SMG1: variants seen among roughly 807,000 people sequenced by gnomAD.
SMG1 encodes the protein SMG1 nonsense mediated mRNA decay associated PI3K related kinase.
In SMG1, 22 loss-of-function variants were observed where a neutral mutation model predicts 419.9. That is an observed-to-expected ratio of 0.05 (90% CI 0.04 to 0.07). SMG1 has a LOEUF of 0.07. Ranked by LOEUF, SMG1 falls within the 10% of genes least tolerant of loss-of-function variation. The probability of loss-of-function intolerance (pLI) is 1.00; values close to 1 mark genes in which losing one functional copy is unlikely to be tolerated. For synonymous variants in SMG1, 1,538 were observed against 1,553.5 expected (o/e 0.99, Z 0.23); for missense variants, 3,185 against 4,342.0 (o/e 0.73, Z 7.49).
intron 1 of SMG1, among the ~76,000 whole-genome samples, chr16:18,915,029 C>A (rs149765377): frequency 2.0e-5 from 3 of 147,292 alleles, no homozygotes; most frequent in African/African-American, 4.9e-5. Flanking sequence ...CTCACTGCAA[C>A]GGCATCATCT....
intron 1 of SMG1, among the ~76,000 whole-genome samples, chr16:18,901,596 A>G (rs1165910385): frequency 6.6e-6 from 1 of 152,200 alleles, no homozygotes; most frequent in Non-Finnish European, 1.5e-5. Flanking sequence ...AATTGTAAAG[A>G]ATTGTATCTT....
At chr16:18,841,826 G>T in intron 40 of SMG1, 32 bp from the exon 41 acceptor site, 1 of 1,582,964 alleles carries the variant, frequency 6.3e-7, no homozygotes, top group East Asian at 2.2e-5. Context: ...AGCTAGGATA[G>T]GTGATTAAAC....
chr16:18,812,258 G>T, intron 60 of SMG1, 131 bp from the exon 61 acceptor site: 3 of 828,758 alleles, frequency 3.6e-6, no homozygotes, highest in Non-Finnish European at 3.6e-6. Flanking sequence ...CCTTATCCTT[G>T]GACACAGCAA....
In SMG1 at chr16:18,829,731, T is replaced by C; in HGVS notation, c.9158A>G (p.Asn3053Ser). Residue 3053 changes from asparagine to serine, a missense_variant, in exon 54 of 63, where the codon AAT becomes AGT. Around this residue, in one of 27 missense-constraint regions of SMG1, gnomAD observed 737 missense variants for 846.6 expected, o/e 0.87. Transcript: ENST00000446231. ...LSGSSSLEDQNTVNGPVQIVN... is the reference protein window; with the variant it reads ...LSGSSSLEDQSTVNGPVQIVN... Reference sequence around the variant, plus strand: ...AATCTGTACAGGCCCATTCACAGTATTCTGATCTTCAAGTGAACTTGATCC... The same window carrying C: ...AATCTGTACAGGCCCATTCACAGTACTCTGATCTTCAAGTGAACTTGATCC... 1 of 1,600,244 alleles carries C rather than the reference T, an allele frequency of 6.2e-7. No homozygotes were observed. Among genetic ancestry groups the C allele is most frequent in the South Asian group, 1.1e-5 (1 of 89,610 alleles).
intron 23 of SMG1, chr16:18,866,310 G>C (rs1247691330): frequency 2.0e-5 from 8 of 399,356 alleles, no homozygotes; most frequent in Non-Finnish European, 3.3e-5. Flanking sequence ...TGACAATAAA[G>C]GGTAATTTGT....
rs2031038445 is a variant in SMG1, at chr16:18,808,298, A to G, written c.*1271T>C. ...CACAGACTAATAACTGAACTTAATA[A>G]AAGATGTTGGTGGATCTCATTTTCA... On this transcript the variant is annotated 3_prime_UTR_variant, in exon 63 of 63. Coordinates refer to ENST00000446231, the MANE Select transcript of SMG1 (RefSeq NM_015092.5). 6.6e-6 allele frequency: 1 copy of G among 152,236 alleles called. No homozygotes were observed. Among genetic ancestry groups the G allele is most frequent in the Non-Finnish European group, 1.5e-5 (1 of 68,046 alleles). The allele number at this position is 152,236 out of a possible 1,614,324, so 9.4% of individuals were successfully genotyped here.
In SMG1 at chr16:18,815,498, C is replaced by T. The variant is rs759196617; in HGVS notation, c.10456G>A (p.Val3486Ile). The change falls in exon 59 of 63, where the codon GTT becomes ATT. Residue 3486 changes from valine (V) to isoleucine (I), a missense_variant. Coordinates refer to ENST00000446231, the MANE Select transcript of SMG1 (RefSeq NM_015092.5). ...AMGQVRSQEH[V>I]EMLQEITPTL... ...GGAGTGATTTCCTGGAGCATTTCAA[C>T]GTGTTCTTGACTTCGAACCTGACCC... is the stretch of plus-strand genomic sequence containing the variant. The T allele has an allele frequency of 1.1e-5, 18 of 1,613,806 alleles. No individual in the cohort carries two copies. The highest frequency in any genetic ancestry group is 1.6e-4 in the Middle Eastern group (1 of 6,084).
chr16:18,895,315 C>A (rs1370780560), intron 3 of SMG1, among the ~76,000 whole-genome samples: 2 of 151,884 alleles, frequency 1.3e-5, no homozygotes, highest in Non-Finnish European at 2.9e-5. Context: ...CCTGTCTCCA[C>A]TAAAAATGCA....
Position 18,849,250 on chromosome 16 carries a change from T to C in SMG1, c.5590A>G (p.Thr1864Ala). The C allele has an allele frequency of 6.2e-7, 1 of 1,613,502 alleles. No individual in the cohort carries two copies. Among genetic ancestry groups the C allele is most frequent in the Non-Finnish European group, 8.5e-7 (1 of 1,179,556 alleles). ...TGGGATTCACTACTAAGCGATATGG[T>C]ACCCACTATTGCAGGATACAATATG... is the stretch of plus-strand genomic sequence containing the variant. ...HLILYPAIVG[T>A]ISLSSESQAS... is the part of the protein sequence containing the mutation. Residue 1864 changes from threonine to alanine, a missense_variant, in exon 36 of 63, where the codon ACC (threonine) becomes GCC (alanine). Physicochemically the swap from Thr to Ala is moderately conservative, Grantham distance 58. Coordinates refer to ENST00000446231, the MANE Select transcript of SMG1 (RefSeq NM_015092.5).
chr16:18,922,689 A>G (rs563272659), intron 1 of SMG1, among the ~76,000 whole-genome samples: 15 of 152,234 alleles, frequency 9.9e-5, no homozygotes, highest in African/African-American at 2.9e-4. Flanking sequence ...TCAGTTGGCC[A>G]GGCTGGTCTC....
chr16:18,907,776 C>T (rs768635126), intron 1 of SMG1, among the ~76,000 whole-genome samples: 3 of 135,622 alleles, frequency 2.2e-5, no homozygotes, highest in Non-Finnish European at 3.1e-5. Flanking sequence ...CATTTGAACC[C>T]GGGAGGCAGA....
chr16:18,816,462 T>TG lies in SMG1; in HGVS notation c.10141dup (p.Gln3381ProfsTer22). The TG allele has an allele frequency of 6.2e-7, 1 of 1,613,988 alleles. No individual in the cohort carries two copies. Among genetic ancestry groups the TG allele is most frequent in the Non-Finnish European group, 8.5e-7 (1 of 1,179,874 alleles). ...AATTGCCCTCTGAGTAGACATATCC[T>TG]GGGTCAACTGTTTGTGTGCTGACAA... is the stretch of plus-strand genomic sequence containing the variant. On this transcript the variant is annotated frameshift_variant, in exon 58 of 63. Coordinates refer to ENST00000446231, the MANE Select transcript of SMG1 (RefSeq NM_015092.5). LOFTEE classifies it high-confidence loss of function.
rs2035682711 is a variant in SMG1, at chr16:18,869,239, T to C, written c.2698A>G (p.Thr900Ala). 6.2e-7 allele frequency: 1 copy of C among 1,611,706 alleles called. No individual in the cohort carries two copies. Residue 900 changes from threonine (T) to alanine (A), a missense_variant, in exon 20 of 63, where the codon ACA (threonine) becomes GCA (alanine). Physicochemically the swap from Thr to Ala is moderately conservative, Grantham distance 58. This residue lies in a region of SMG1 where 48 missense variants were observed against 48.8 expected (regional missense o/e 0.98). Coordinates refer to ENST00000446231, the MANE Select transcript of SMG1 (RefSeq NM_015092.5). ...GTCTTCAGGAGATTGCGTGGAATTG[T>C]TGACTGGTCACGCTTATCCAGTCTC... Reference protein sequence around the residue: ...CQRLDKRDQSTIPRNLLKTDA... With the variant: ...CQRLDKRDQSAIPRNLLKTDA...
chr16:18,884,312 A>G lies in SMG1; in HGVS notation c.1022-145T>C, dbSNP rs919040271. On this transcript the variant is annotated intron_variant, in intron 8 of 62. Transcript: ENST00000446231. Reference sequence around the variant, plus strand: ...AAAACATGTCCTATATCATAAAATTAAGACTGTTAAACATGCTGATCACAA... The same window carrying G: ...AAAACATGTCCTATATCATAAAATTGAGACTGTTAAACATGCTGATCACAA... 2.7e-5 allele frequency: 13 copies of G among 473,208 alleles called. No individual in the cohort carries two copies. The Admixed American group carries it at 4.4e-4, about 16-fold the overall frequency. 29.3% of individuals were successfully genotyped at this position (473,208 alleles called of 1,614,324 possible). A position where few individuals can be genotyped will look rare whatever the true frequency, so the allele number is the denominator to read the frequency against.
chr16:18,919,923 C>G (rs774631299), intron 1 of SMG1, among the ~76,000 whole-genome samples: 1 of 151,610 alleles, frequency 6.6e-6, no homozygotes, highest in Non-Finnish European at 1.5e-5. Flanking sequence ...ATGGCGAAAC[C>G]CTGTCTCTAA....
intron 1 of SMG1, among the ~76,000 whole-genome samples, chr16:18,919,657 T>TACACAC (rs368125844): frequency 3.7e-4 from 47 of 125,792 alleles, no homozygotes; most frequent in East Asian, 1.2e-3. Context: ...TGTGTATATA[T>TACACAC]ACACACACAC....
At chr16:18,893,306 G>A (rs181391703) in intron 3 of SMG1, among the ~76,000 whole-genome samples, 17 of 152,340 alleles carry the variant, frequency 1.1e-4, no homozygotes, top group Admixed American at 1.0e-3. Context: ...TGAATACTAT[G>A]AGTATAATAA....
chr16:18,877,724 T>G (rs1050436236), intron 11 of SMG1: 1 of 153,126 alleles, frequency 6.5e-6, no homozygotes, highest in African/African-American at 2.4e-5. Flanking sequence ...CAATTTTCTG[T>G]ATATCTAAAA....
intron 3 of SMG1, among the ~76,000 whole-genome samples, chr16:18,894,991 G>C (rs1386753418): frequency 2.0e-5 from 3 of 152,010 alleles, no homozygotes; most frequent in Middle Eastern, 3.4e-3. Flanking sequence ...CTAATTTTTT[G>C]TATTTTCAGT....
Sources: allele counts gnomAD v4.1 joint callset (sites outside exome capture counted in the v4.1 genomes callset), GRCh38; gene constraint gnomAD v4.1.1; regional missense constraint gnomAD v4.1.1; transcripts MANE v1.5; gene names NCBI Gene and HGNC (gene_info 2026-07-23, HGNC 2026-07-21).